MCPH1: variants seen among roughly 807,000 people sequenced by gnomAD.
MCPH1 encodes the protein microcephalin 1.
MCPH1 carries 104 observed loss-of-function variants against 84.5 expected under a neutral mutation model. That is an observed-to-expected ratio of 1.23 (90% CI 1.05 to 1.45). The LOEUF is 1.45. Ranked by LOEUF, MCPH1 falls within the 40% of genes most tolerant of loss-of-function variation. The probability of loss-of-function intolerance (pLI) is 0.00; values close to 1 mark genes in which losing one functional copy is unlikely to be tolerated. For missense variants in MCPH1, 1,498 were observed against 1,005.7 expected (o/e 1.49, Z -6.62); for synonymous variants, 514 against 366.8 (o/e 1.40, Z -4.58).
chr8:6,466,184 T>C (rs1806916864), intron 9 of MCPH1, among the ~76,000 whole-genome samples: 1 of 141,342 alleles, frequency 7.1e-6, no homozygotes, highest in Non-Finnish European at 1.5e-5. Context: ...ATCGCCAGGC[T>C]GGAGTGCAGT....
intron 12 of MCPH1, among the ~76,000 whole-genome samples, chr8:6,527,287 G>T (rs142447071): frequency 5.2e-4 from 79 of 152,228 alleles, no homozygotes; most frequent in African/African-American, 1.8e-3. Context: ...TTAGCATGCA[G>T]AATACTGAGG....
At chr8:6,579,025 G>A (rs1354216631) in intron 12 of MCPH1, among the ~76,000 whole-genome samples, 1 of 152,188 alleles carries the variant, frequency 6.6e-6, no homozygotes, top group Non-Finnish European at 1.5e-5. Flanking sequence ...ATTTCAAAGG[G>A]AATAGAATAC....
At chr8:6,520,098 A>G (rs765837596) in intron 12 of MCPH1, 3 of 1,285,848 alleles carry the variant, frequency 2.3e-6, no homozygotes, top group Non-Finnish European at 3.2e-6. Flanking sequence ...TGGAATTCTT[A>G]AGTAAGCAAA....
chr8:6,407,578 C>A (rs1050082037), intron 1 of MCPH1, among the ~76,000 whole-genome samples: 2 of 152,114 alleles, frequency 1.3e-5, no homozygotes, highest in African/African-American at 4.8e-5. Flanking sequence ...TATTGTGGGG[C>A]CTGGAGTCAT....
intron 6 of MCPH1, among the ~76,000 whole-genome samples, chr8:6,441,567 A>C (rs1057318396): frequency 6.6e-6 from 1 of 152,220 alleles, no homozygotes; most frequent in African/African-American, 2.4e-5. Context: ...AGTGTTTTCT[A>C]TGAAACCTCT....
At chr8:6,518,911 G>GT (rs748851018) in intron 12 of MCPH1, among the ~76,000 whole-genome samples, 49 of 147,576 alleles carry the variant, frequency 3.3e-4, no homozygotes, top group East Asian at 2.0e-3. Flanking sequence ...CTCCGGAAGG[G>GT]TTTTTTTTTT....
At chr8:6,527,897 C>CCATTTTTTTTT (rs1818650933) in intron 12 of MCPH1, among the ~76,000 whole-genome samples, 1 of 105,954 alleles carries the variant, frequency 9.4e-6, no homozygotes, top group Non-Finnish European at 2.3e-5. Context: ...CCCCACGTCT[C>CCATTTTTTTTT]TATTTTTTTT....
chr8:6,627,289 G>C (rs1796809004), intron 13 of MCPH1: 2 of 985,346 alleles, frequency 2.0e-6, no homozygotes, highest in African/African-American at 1.7e-5. Flanking sequence ...CAGTCGCAGA[G>C]AGGGGAGGCC....
chr8:6,563,083 T>G, intron 12 of MCPH1: 5 of 833,932 alleles, frequency 6.0e-6, no homozygotes, highest in Non-Finnish European at 9.0e-6. Context: ...CTTTTTCCAG[T>G]AGCAAACCTG....
chr8:6,408,363 C>T (rs892802702), intron 1 of MCPH1, among the ~76,000 whole-genome samples: 8 of 151,880 alleles, frequency 5.3e-5, no homozygotes, highest in African/African-American at 9.7e-5. Flanking sequence ...CTACCACGCC[C>T]GGTTATTTTT....
chr8:6,569,317 C>T (rs971222441), intron 12 of MCPH1, among the ~76,000 whole-genome samples: 6 of 152,116 alleles, frequency 3.9e-5, no homozygotes, highest in African/African-American at 1.4e-4. Flanking sequence ...AGATCTGTTT[C>T]GACTCCATTT....
At chr8:6,567,435 C>G (rs563122360) in intron 12 of MCPH1, among the ~76,000 whole-genome samples, 6 of 152,340 alleles carry the variant, frequency 3.9e-5, no homozygotes, top group South Asian at 2.1e-4. Flanking sequence ...GGTGCCTCGG[C>G]TCAGCCTTCT....
intron 12 of MCPH1, among the ~76,000 whole-genome samples, chr8:6,561,577 T>C (rs1825547238): frequency 6.6e-6 from 1 of 152,232 alleles, no homozygotes; most frequent in Non-Finnish European, 1.5e-5. Context: ...CAAATGAGGC[T>C]CACCAACTTT....
At chr8:6,583,376 A>C (rs1199357394) in intron 12 of MCPH1, among the ~76,000 whole-genome samples, 2 of 152,226 alleles carry the variant, frequency 1.3e-5, no homozygotes, top group African/African-American at 4.8e-5. Flanking sequence ...ACAAAAACAC[A>C]CACAAATATT....
At chr8:6,455,573 A>G (rs533620815) in intron 9 of MCPH1, among the ~76,000 whole-genome samples, 24 of 152,212 alleles carry the variant, frequency 1.6e-4, no homozygotes, top group Non-Finnish European at 3.4e-4. Flanking sequence ...ATAAATATTT[A>G]CTAGGTAGGA....
chr8:6,613,129 C>A (rs3020257), intron 12 of MCPH1, among the ~76,000 whole-genome samples: 28,091 of 152,150 alleles, frequency 0.18, 2,818 homozygotes, highest in Non-Finnish European at 0.23. Context: ...GGCAGGCCTG[C>A]AGCAGGTGCC....
intron 12 of MCPH1, chr8:6,562,552 C>CTTTTTTTTGTTTTTTTT (rs1825704936): frequency 1.4e-5 from 1 of 71,748 alleles, no homozygotes; most frequent in East Asian, 1.8e-4. Context: ...CATCCTCCTT[C>CTTTTTTTTGTTTTTTTT]TTTTTTTTTT....
intron 12 of MCPH1, among the ~76,000 whole-genome samples, chr8:6,554,249 G>T (rs1390666600): frequency 1.3e-5 from 2 of 150,742 alleles, no homozygotes; most frequent in African/African-American, 4.9e-5. Flanking sequence ...CAGGTGGTCT[G>T]GACTAAATGT....
At chr8:6,569,893 C>A (rs1000038202) in intron 12 of MCPH1, among the ~76,000 whole-genome samples, 37 of 152,200 alleles carry the variant, frequency 2.4e-4, no homozygotes, top group African/African-American at 8.2e-4. Flanking sequence ...GCTGGAGCCA[C>A]TGGGTCTTGT....
Sources: allele counts gnomAD v4.1 joint callset (sites outside exome capture counted in the v4.1 genomes callset), GRCh38; gene constraint gnomAD v4.1.1; transcripts MANE v1.5; gene names NCBI Gene and HGNC (gene_info 2026-07-23, HGNC 2026-07-21).